The following PHF21B variants were observed in gnomAD, a reference collection of about 807,000 sequenced individuals.
PHF21B encodes PHD finger protein 21B.
PHF21B carries 22 observed loss-of-function variants against 62.2 expected under a neutral mutation model. The observed-to-expected ratio is 0.35, with a 90% CI of 0.25 to 0.51. The LOEUF is 0.51. Among genes scored for constraint, PHF21B ranks in the 20% least tolerant of loss-of-function variants. The pLI, the probability that PHF21B is intolerant of heterozygous loss-of-function variation, is 0.97. For missense variants in PHF21B, 701 were observed against 707.9 expected, an observed-to-expected ratio of 0.99 and a Z score of 0.11; for synonymous variants, 341 against 314.7, an observed-to-expected ratio of 1.08 and a Z score of -0.88.
At chr22:45,005,404 G>T (rs2073296863) in intron 2 of PHF21B, among the ~76,000 whole-genome samples, 1 of 152,084 alleles carries the variant, frequency 6.6e-6, no homozygotes, top group African/African-American at 2.4e-5. Context: ...TTTTCAAATA[G>T]CAAGGTCCTA....
intron 2 of PHF21B, among the ~76,000 whole-genome samples, chr22:45,004,289 G>A (rs1035452309): frequency 1.3e-5 from 2 of 152,168 alleles, no homozygotes; most frequent in African/African-American, 4.8e-5. Context: ...ACGCAGTGAA[G>A]GGGCTATCAC....
At chr22:44,926,449 C>A (rs1202654365) in intron 2 of PHF21B, among the ~76,000 whole-genome samples, 1 of 152,258 alleles carries the variant, frequency 6.6e-6, no homozygotes, top group Admixed American at 6.5e-5. Context: ...CACTCAGATG[C>A]CCCAGATAAA....
intron 2 of PHF21B, among the ~76,000 whole-genome samples, chr22:44,957,168 ACC>A (rs2072316694): frequency 6.6e-6 from 1 of 152,096 alleles, no homozygotes; most frequent in African/African-American, 2.4e-5. Flanking sequence ...CTGGCTGTGG[ACC>A]CACAGCCTCT....
chr22:44,894,403 C>T (rs1012726767), intron 6 of PHF21B, among the ~76,000 whole-genome samples: 8 of 152,076 alleles, frequency 5.3e-5, no homozygotes, highest in African/African-American at 7.2e-5. Context: ...AACTGAGGTT[C>T]GGAGTGGGGA....
intron 2 of PHF21B, among the ~76,000 whole-genome samples, chr22:45,007,431 G>C (rs1237827389): frequency 3.4e-5 from 5 of 147,814 alleles, no homozygotes; most frequent in Non-Finnish European, 7.5e-5. Flanking sequence ...GGGAGCGCGG[G>C]GGCAGGCCCG....
At chr22:44,940,893 G>A (rs1601622712) in intron 2 of PHF21B, among the ~76,000 whole-genome samples, 1 of 152,216 alleles carries the variant, frequency 6.6e-6, no homozygotes, top group Admixed American at 6.5e-5. Context: ...AAAGCTTGGG[G>A]TGGGGCTGTG....
intron 2 of PHF21B, among the ~76,000 whole-genome samples, chr22:44,942,709 A>T (rs1214070372): frequency 6.6e-6 from 1 of 152,156 alleles, no homozygotes; most frequent in Non-Finnish European, 1.5e-5. Flanking sequence ...GCTGAGGCCC[A>T]GCGCACGAGC....
intron 10 of PHF21B, among the ~76,000 whole-genome samples, chr22:44,886,900 A>G (rs2070869030): frequency 1.3e-5 from 2 of 152,146 alleles, no homozygotes; most frequent in Non-Finnish European, 2.9e-5. Flanking sequence ...CATACCTGTA[A>G]TCCCAGCACT....
intron 4 of PHF21B, 40 bp downstream of exon 4, chr22:44,916,240 G>T: frequency 6.3e-7 from 1 of 1,575,590 alleles, no homozygotes; most frequent in South Asian, 1.2e-5. Context: ...TCCTGTATGC[G>T]GCCGCACACC....
intron 2 of PHF21B, among the ~76,000 whole-genome samples, chr22:45,007,045 GC>G (rs1403659111): frequency 6.6e-6 from 1 of 151,946 alleles, no homozygotes; most frequent in Non-Finnish European, 1.5e-5. Flanking sequence ...CGCGCGCCGG[GC>G]CCCCCTCCGG....
At chr22:44,900,567 C>T (rs1053244567) in intron 5 of PHF21B, among the ~76,000 whole-genome samples, 3 of 152,224 alleles carry the variant, frequency 2.0e-5, no homozygotes, top group Admixed American at 1.3e-4. Flanking sequence ...TCCTAAAGTG[C>T]TGAGATTACA....
At chr22:44,924,069 AG>A (rs1466167912) in intron 2 of PHF21B, among the ~76,000 whole-genome samples, 2,490 of 25,700 alleles carry the variant, frequency 0.097, 132 homozygotes, top group African/African-American at 0.2. Context: ...GGAGGGAGGG[AG>A]GGGAGGGAAG....
At chr22:45,004,955 G>A (rs900735315) in intron 2 of PHF21B, among the ~76,000 whole-genome samples, 2 of 152,184 alleles carry the variant, frequency 1.3e-5, no homozygotes, top group Admixed American at 6.5e-5. Context: ...CATGGACTGC[G>A]GTTCAAACAG....
At position 44,916,363 on chromosome 22, in the gene PHF21B, C is replaced by T. The variant is rs770141254; in HGVS notation, c.481G>A (p.Ala161Thr). Residue 161 changes from alanine to threonine, a missense_variant, in exon 4 of 13, where the codon GCC (alanine) becomes ACC (threonine). Coordinates refer to ENST00000313237, the MANE Select transcript of PHF21B (RefSeq NM_138415.5). ...ACGGCGGTGCTGGGGGCCATGGCGG[C>T]GGCATTGCTGGGGGAGGTGGAGATG... ...AIISTSPSNA[A>T]AMAPSTAVSV... 1.1e-5 allele frequency: 17 copies of T among 1,594,550 alleles called. No homozygotes were observed. In the East Asian group the frequency reaches 1.6e-4, roughly 15 times the overall value.
At chr22:44,987,196 G>C (rs557643933) in intron 2 of PHF21B, among the ~76,000 whole-genome samples, 2 of 152,162 alleles carry the variant, frequency 1.3e-5, no homozygotes, top group Admixed American at 1.3e-4. Context: ...TAATATTTCC[G>C]GTGAAAGCTG....
At chr22:44,984,167 T>G (rs200714683) in intron 2 of PHF21B, among the ~76,000 whole-genome samples, 1 of 124,276 alleles carries the variant, frequency 8.0e-6, no homozygotes, top group Non-Finnish European at 1.7e-5. Context: ...ATCACCACCA[T>G]CATCACCATC....
At chr22:44,941,731 C>T (rs141428888) in intron 2 of PHF21B, among the ~76,000 whole-genome samples, 1 of 152,222 alleles carries the variant, frequency 6.6e-6, no homozygotes, top group Non-Finnish European at 1.5e-5. Context: ...GGGGATACGG[C>T]GGCAGGGCCT....
At chr22:44,941,572 T>C (rs2071957669) in intron 2 of PHF21B, among the ~76,000 whole-genome samples, 1 of 152,192 alleles carries the variant, frequency 6.6e-6, no homozygotes, top group Non-Finnish European at 1.5e-5. Flanking sequence ...TCCTCTGACG[T>C]TGTGGTGGGC....
chr22:44,901,293 G>A (rs2071154509), intron 5 of PHF21B, among the ~76,000 whole-genome samples: 1 of 152,184 alleles, frequency 6.6e-6, no homozygotes, highest in African/African-American at 2.4e-5. Flanking sequence ...GGCTGGGCTG[G>A]GAGAACACTG....
Sources: gnomAD v4.1 joint callset for allele counts (sites outside exome capture counted in the v4.1 genomes callset) on GRCh38, gnomAD v4.1.1 for gene constraint, MANE v1.5 for transcripts, NCBI Gene and HGNC (gene_info 2026-07-23, HGNC 2026-07-21) for gene names.